Variants in UBE2O observed in about 807,000 individuals in gnomAD.
The protein encoded by UBE2O is (E3-independent) E2 ubiquitin-conjugating enzyme.
UBE2O carries 15 observed loss-of-function variants against 125.8 expected under a neutral mutation model. The ratio of observed to expected loss-of-function variants is 0.12; its 90% confidence interval spans 0.08 to 0.18. The LOEUF is 0.18. Among genes scored for constraint, UBE2O ranks in the 10% least tolerant of loss-of-function variants. UBE2O has a pLI of 1.00. For missense variants in UBE2O, 1,280 were observed against 1,723.6 expected (o/e 0.74, Z 4.56); for synonymous variants, 708 against 703.2 (o/e 1.01, Z -0.11).
Position 76,452,423 on chromosome 17 carries a change from G to A in UBE2O, c.417+302C>T, listed in dbSNP as rs559780038. Among the ~76,000 whole-genome samples, 1 of 152,252 alleles carries A rather than the reference G, an allele frequency of 6.6e-6. No individual in the cohort carries two copies. The highest frequency in any genetic ancestry group is 1.9e-4 in the East Asian group (1 of 5,162). On this transcript the variant is annotated intron_variant, in intron 1 of 17. Transcript: ENST00000319380. The surrounding 1 kb of genome is among the most constrained non-coding windows in gnomAD (Gnocchi z 4.4). The stretch of plus-strand genomic sequence containing the variant: ...GCGCCCCAGAACCTGAGTCCCCACG[G>A]GAGTCGGTCCACGTCTCTAAATCTC...
intron 1 of UBE2O, among the ~76,000 whole-genome samples, chr17:76,426,169 AT>A (rs1226142155): frequency 1.3e-5 from 2 of 152,056 alleles, no homozygotes; most frequent in Non-Finnish European, 2.9e-5. Context: ...CACTTGGCTA[AT>A]TTTTGTATTT....
chr17:76,420,107 A>G (rs423130), intron 1 of UBE2O, among the ~76,000 whole-genome samples: 134,062 of 152,156 alleles, frequency 0.88, 59,198 homozygotes, highest in East Asian at 1. Flanking sequence ...CCCCCTTCGC[A>G]CCACACTCCC....
intron 1 of UBE2O, among the ~76,000 whole-genome samples, chr17:76,432,385 T>C (rs994634726): frequency 2.0e-5 from 3 of 152,186 alleles, no homozygotes; most frequent in Admixed American, 6.5e-5. Flanking sequence ...GTCTCCGCCT[T>C]AGAAAGACTT....
At position 76,402,495 on chromosome 17, in the gene UBE2O, T is replaced by G; in HGVS notation, c.686+107A>C. 1.0e-6 allele frequency: 1 copy of G among 974,230 alleles called. No individual in the cohort carries two copies. The highest frequency in any genetic ancestry group is 1.4e-5 in the South Asian group (1 of 72,242). 60.3% of individuals were successfully genotyped at this position (974,230 alleles called of 1,614,324 possible). A position where few individuals can be genotyped will look rare whatever the true frequency, so the allele number is the denominator to read the frequency against. On this transcript the variant is annotated intron_variant, in intron 4 of 17. Coordinates refer to ENST00000319380, the MANE Select transcript of UBE2O (RefSeq NM_022066.4). This position sits in a 1 kb window ranked among gnomAD's most constrained non-coding sequence, Gnocchi z 5.4. ...TGCCTGCAACATCTGTCACTGCCCT[T>G]GATCAAACCTGTCATCACTGTCCCC...
At chr17:76,424,699 A>C (rs1051550225) in intron 1 of UBE2O, among the ~76,000 whole-genome samples, 14 of 151,422 alleles carry the variant, frequency 9.2e-5, no homozygotes, top group African/African-American at 2.2e-4. Context: ...ACAGAGTAAG[A>C]CCCTATCTCT....
rs542711314 is a variant in UBE2O, at chr17:76,405,950, T to C, written c.418-378A>G. 1.3e-5 allele frequency among the ~76,000 whole-genome samples: 2 copies of C among 152,332 alleles called. No individual in the cohort carries two copies. Among genetic ancestry groups the C allele is most frequent in the African/African-American group, 4.8e-5 (2 of 41,576 alleles). ...CAAAACATTTGCTTTGCGTTCAATCTTTTTTCTGCCCTCTGCAAGTGCCTG... is the reference window on the plus strand; with the variant it reads ...CAAAACATTTGCTTTGCGTTCAATCCTTTTTCTGCCCTCTGCAAGTGCCTG... On this transcript the variant is annotated intron_variant, in intron 1 of 17. Coordinates refer to ENST00000319380, the MANE Select transcript of UBE2O (RefSeq NM_022066.4). The surrounding 1 kb of genome is among the most constrained non-coding windows in gnomAD (Gnocchi z 6.1).
intron 1 of UBE2O, among the ~76,000 whole-genome samples, chr17:76,434,774 C>CTT (rs751998179): frequency 7.9e-5 from 11 of 139,136 alleles, no homozygotes; most frequent in African/African-American, 1.6e-4. Context: ...TTCACTTAAG[C>CTT]TTTTTTTTTT....
At chr17:76,451,655 C>T (rs1424901963) in intron 1 of UBE2O, among the ~76,000 whole-genome samples, 1 of 152,162 alleles carries the variant, frequency 6.6e-6, no homozygotes, top group Admixed American at 6.5e-5. Flanking sequence ...AAGTGCCCTC[C>T]CCTGAAATCA....
chr17:76,437,931 A>G lies in UBE2O; in HGVS notation c.417+14794T>C, dbSNP rs140008195. Reference sequence around the variant, plus strand: ...AAGGAAGATGGGGGACAGGCTAAATACACGCTTCGAAGGGAGGTGTCTCTC... The same window carrying G: ...AAGGAAGATGGGGGACAGGCTAAATGCACGCTTCGAAGGGAGGTGTCTCTC... On this transcript the variant is annotated intron_variant, in intron 1 of 17. Transcript: ENST00000319380. 5.3e-5 allele frequency among the ~76,000 whole-genome samples: 8 copies of G among 152,328 alleles called. No homozygotes were observed. In the East Asian group the frequency reaches 1.2e-3, roughly 22 times the overall value.
In UBE2O at chr17:76,391,952, A is replaced by G. The variant is rs747678904; in HGVS notation, c.3108T>C (p.Asn1036=). ...CCAGGAGGCTGACACACACCTTCCC[A>G]TTGTCATACAGGTTGGGGTTCAGGC... The part of the protein sequence containing the change: ...SGRLNPNLYD[N]GKVCVSLLGT... Residue 1036 remains asparagine (N), a synonymous_variant, in exon 16 of 18, where the codon AAT becomes AAC. Coordinates refer to ENST00000319380, the MANE Select transcript of UBE2O (RefSeq NM_022066.4). The surrounding 1 kb of genome is among the most constrained non-coding windows in gnomAD (Gnocchi z 8.4). 5.6e-6 allele frequency: 9 copies of G among 1,611,940 alleles called. No individual in the cohort carries two copies. Among genetic ancestry groups the G allele is most frequent in the Non-Finnish European group, 7.6e-6 (9 of 1,179,394 alleles).
In UBE2O at chr17:76,398,450, A is replaced by AAGCAGTAGGGGCTGCAC; in HGVS notation, c.1896+5_1896+21dup. The AAGCAGTAGGGGCTGCAC allele has an allele frequency of 1.2e-6, 2 of 1,614,056 alleles. No individual in the cohort carries two copies. The highest frequency in any genetic ancestry group is 1.7e-6 in the Non-Finnish European group (2 of 1,179,956). On this transcript the variant is annotated intron_variant, in intron 11 of 17. Transcript: ENST00000319380. The surrounding 1 kb of genome is among the most constrained non-coding windows in gnomAD (Gnocchi z 5.4). Reference sequence around the variant, plus strand: ...CCCAACCCCAGAGCCCACCTGAAGCAAGCAGTAGGGGCTGCACACACCTCC... The same window carrying AAGCAGTAGGGGCTGCAC: ...CCCAACCCCAGAGCCCACCTGAAGCAAGCAGTAGGGGCTGCACAGCAGTAGGGGCTGCACACACCTCC...
chr17:76,448,819 G>A (rs1404605681), intron 1 of UBE2O, among the ~76,000 whole-genome samples: 2 of 152,246 alleles, frequency 1.3e-5, no homozygotes, highest in African/African-American at 4.8e-5. Context: ...AGTGGCTGCT[G>A]GCATTTGGCT....
Position 76,390,721 on chromosome 17 carries a change from T to A in UBE2O, c.*222A>T, listed in dbSNP as rs2072092899. On this transcript the variant is annotated 3_prime_UTR_variant, in exon 18 of 18. Coordinates refer to ENST00000319380, the MANE Select transcript of UBE2O (RefSeq NM_022066.4). ...ATCGGCAACAGGGTTCCGATTTTCT[T>A]TGCCACAGGGGACCCGCCTGTTGAA... 2.2e-6 allele frequency: 1 copy of A among 444,906 alleles called. No individual in the cohort carries two copies. Among genetic ancestry groups the A allele is most frequent in the African/African-American group, 2.0e-5 (1 of 49,542 alleles). The allele number at this position is 444,906 out of a possible 1,614,324, so 27.6% of individuals were successfully genotyped here.
intron 1 of UBE2O, among the ~76,000 whole-genome samples, chr17:76,425,507 T>C (rs2072797731): frequency 6.6e-6 from 1 of 152,254 alleles, no homozygotes; most frequent in Admixed American, 6.5e-5. Flanking sequence ...ACAACATGCT[T>C]GCACCCTAAT....
intron 1 of UBE2O, among the ~76,000 whole-genome samples, chr17:76,424,488 C>T (rs1225432357): frequency 6.6e-6 from 1 of 152,088 alleles, no homozygotes; most frequent in Non-Finnish European, 1.5e-5. Flanking sequence ...GGATTACAGG[C>T]GTGAACCACC....
intron 1 of UBE2O, among the ~76,000 whole-genome samples, chr17:76,435,427 C>G (rs902017029): frequency 4.7e-5 from 7 of 148,200 alleles, no homozygotes; most frequent in Non-Finnish European, 7.4e-5. Flanking sequence ...TACACACACA[C>G]ACACACACAC....
intron 1 of UBE2O, among the ~76,000 whole-genome samples, chr17:76,413,444 T>C (rs2072549757): frequency 6.6e-6 from 1 of 152,056 alleles, no homozygotes; most frequent in East Asian, 1.9e-4. Context: ...TGGTCAACAC[T>C]GGACAAAAAA....
intron 1 of UBE2O, among the ~76,000 whole-genome samples, chr17:76,417,368 A>G (rs1448839133): frequency 2.0e-5 from 3 of 152,260 alleles, no homozygotes; most frequent in Non-Finnish European, 4.4e-5. Context: ...GGAGAAGACG[A>G]TAACATTTAC....
At chr17:76,428,525 T>A (rs1363259382) in intron 1 of UBE2O, among the ~76,000 whole-genome samples, 3 of 152,236 alleles carry the variant, frequency 2.0e-5, no homozygotes, top group Non-Finnish European at 4.4e-5. Context: ...GGCTCTTCTT[T>A]CTGAGTATAT....
Sources: gnomAD v4.1 joint callset for allele counts (sites outside exome capture counted in the v4.1 genomes callset) on GRCh38, gnomAD v4.1.1 for gene constraint, Gnocchi (gnomAD v3.1) non-coding constraint, MANE v1.5 for transcripts, NCBI Gene and HGNC (gene_info 2026-07-23, HGNC 2026-07-21) for gene names.